The following CAMTA1 variants were observed in gnomAD, a reference collection of about 807,000 sequenced individuals.
CAMTA1 encodes calmodulin-binding transcription activator 1.
A neutral mutation model predicts 170.9 loss-of-function variants in CAMTA1; 27 were observed. The observed-to-expected ratio is 0.16, with a 90% CI of 0.12 to 0.22. The LOEUF (loss-of-function observed/expected upper bound fraction) is 0.22, where lower values mean the gene tolerates loss of function less well. Among genes scored for constraint, CAMTA1 ranks in the 10% least tolerant of loss-of-function variants. The pLI is 1.00. For missense variants in CAMTA1, 1,619 were observed against 2,217.2 expected (o/e 0.73, Z 5.42); for synonymous variants, 833 against 891.5 (o/e 0.93, Z 1.17).
intron 5 of CAMTA1, among the ~76,000 whole-genome samples, chr1:7,462,765 G>A (rs946161699): frequency 6.6e-6 from 1 of 152,148 alleles, no homozygotes; most frequent in Non-Finnish European, 1.5e-5. Flanking sequence ...TAACCCCCGA[G>A]GCCACCCGGC....
chr1:7,641,630 G>A lies in CAMTA1; in HGVS notation c.664+1077G>A, dbSNP rs2095761681. 6.6e-6 allele frequency among the ~76,000 whole-genome samples: 1 copy of A among 152,116 alleles called. No individual in the cohort carries two copies. The highest frequency in any genetic ancestry group is 2.1e-4 in the South Asian group (1 of 4,832). ...AAGGTTGGGGATGAGGGTCAGGAGG[G>A]ACAGAGGGGTCTGTGTGGCAAGGGA... On this transcript the variant is annotated intron_variant, in intron 7 of 22. Coordinates refer to ENST00000303635, the MANE Select transcript of CAMTA1 (RefSeq NM_015215.4). The surrounding 1 kb of genome is among the most constrained non-coding windows in gnomAD (Gnocchi z 4.5).
intron 4 of CAMTA1, among the ~76,000 whole-genome samples, chr1:7,188,898 A>T (rs1038782424): frequency 6.6e-6 from 1 of 152,248 alleles, no homozygotes; most frequent in Non-Finnish European, 1.5e-5. Context: ...CATTTTCCAT[A>T]GCAGCAGCAC....
chr1:6,809,065 C>T (rs529934609), intron 1 of CAMTA1, among the ~76,000 whole-genome samples: 185 of 147,842 alleles, frequency 1.3e-3, no homozygotes, highest in African/African-American at 4.5e-3. Flanking sequence ...TCACTCTTGT[C>T]GCCCAGGCTG....
intron 3 of CAMTA1, among the ~76,000 whole-genome samples, chr1:6,894,732 A>G (rs1025760914): frequency 4.6e-5 from 7 of 152,372 alleles, no homozygotes; most frequent in African/African-American, 1.7e-4. Context: ...TGAAAACATC[A>G]CTGGACTAGC....
At chr1:7,178,939 G>C (rs553488163) in intron 4 of CAMTA1, among the ~76,000 whole-genome samples, 2 of 152,348 alleles carry the variant, frequency 1.3e-5, no homozygotes, top group East Asian at 3.9e-4. Context: ...GGCAGTGGCC[G>C]TGGAGGAGCT....
At chr1:7,391,130 C>T (rs12089242) in intron 5 of CAMTA1, among the ~76,000 whole-genome samples, 10,728 of 152,020 alleles carry the variant, frequency 0.071, 1,030 homozygotes, top group African/African-American at 0.22. Flanking sequence ...CCCGAGTAGC[C>T]GGGATTACAG....
chr1:7,707,684 T>G (rs1324368587), intron 11 of CAMTA1, among the ~76,000 whole-genome samples: 1 of 152,238 alleles, frequency 6.6e-6, no homozygotes, highest in African/African-American at 2.4e-5. Context: ...CCAGATGTGA[T>G]GTATTGAATT....
In CAMTA1 at chr1:7,064,053, C is replaced by T. The variant is rs540570487; in HGVS notation, c.235-27251C>T. On this transcript the variant is annotated intron_variant, in intron 3 of 22. Coordinates refer to ENST00000303635, the MANE Select transcript of CAMTA1 (RefSeq NM_015215.4). This position sits in a 1 kb window ranked among gnomAD's most constrained non-coding sequence, Gnocchi z 5.4. ...TGGCTGCCTTCTCATATGGTGGGAG[C>T]CTTTGCCTTCACCTTCTCCTCCTCC... Among the ~76,000 whole-genome samples the T allele has an allele frequency of 5.1e-4, 77 of 152,146 alleles. 2 individuals are homozygous for T. The South Asian group carries it at 9.8e-3, about 19-fold the overall frequency.
chr1:7,291,785 G>A (rs1312219556), intron 5 of CAMTA1, among the ~76,000 whole-genome samples: 1 of 152,192 alleles, frequency 6.6e-6, no homozygotes, highest in East Asian at 1.9e-4. Flanking sequence ...GGACAGTTTT[G>A]GTTGTCACCC....
chr1:7,729,301 G>C (rs577023307), intron 11 of CAMTA1, among the ~76,000 whole-genome samples: 1 of 152,056 alleles, frequency 6.6e-6, no homozygotes, highest in South Asian at 2.1e-4. Context: ...TGTGTTTTTA[G>C]TAGAGACTGG....
chr1:7,487,624 G>A (rs1217523221), intron 6 of CAMTA1, among the ~76,000 whole-genome samples: 1 of 152,188 alleles, frequency 6.6e-6, no homozygotes, highest in African/African-American at 2.4e-5. Flanking sequence ...GTGAGGCTGA[G>A]GCTGAGGATG....
chr1:7,127,452 T>C (rs975361904), intron 4 of CAMTA1, among the ~76,000 whole-genome samples: 2 of 151,976 alleles, frequency 1.3e-5, no homozygotes, highest in African/African-American at 4.8e-5. Context: ...CTTTCTTCAC[T>C]CATCGCTAAA....
At chr1:6,838,631 G>A (rs1190070438) in intron 3 of CAMTA1, among the ~76,000 whole-genome samples, 1 of 151,992 alleles carries the variant, frequency 6.6e-6, no homozygotes, top group Non-Finnish European at 1.5e-5. Context: ...GTGCCGGTGT[G>A]GGCATTTTTT....
Position 7,010,764 on chromosome 1 carries a change from G to T in CAMTA1, c.235-80540G>T, listed in dbSNP as rs1001991224. On this transcript the variant is annotated intron_variant, in intron 3 of 22. Transcript: ENST00000303635. This position sits in a 1 kb window ranked among gnomAD's most constrained non-coding sequence, Gnocchi z 4.4. ...CTTCCTTTGTGCCCGTTTCTGAGTA[G>T]TAAGATTTCTTACTAACAGTTTCTT... is the stretch of plus-strand genomic sequence containing the variant. 6.6e-6 allele frequency among the ~76,000 whole-genome samples: 1 copy of T among 152,158 alleles called. No individual in the cohort carries two copies. Among genetic ancestry groups the T allele is most frequent in the Non-Finnish European group, 1.5e-5 (1 of 68,034 alleles).
intron 5 of CAMTA1, among the ~76,000 whole-genome samples, chr1:7,374,011 A>G (rs845217): frequency 0.86 from 131,109 of 152,274 alleles, 57,078 homozygotes; most frequent in East Asian, 1. Flanking sequence ...AGCAAGAAGG[A>G]TCCTGACTGG....
chr1:6,929,553 C>T (rs540881716), intron 3 of CAMTA1, among the ~76,000 whole-genome samples: 2 of 152,282 alleles, frequency 1.3e-5, no homozygotes, highest in South Asian at 4.2e-4. Context: ...TTGGTAGAGA[C>T]GGGGTTTCAC....
chr1:7,052,956 C>G (rs1706666344), intron 3 of CAMTA1, among the ~76,000 whole-genome samples: 1 of 152,236 alleles, frequency 6.6e-6, no homozygotes, highest in Non-Finnish European at 1.5e-5. Flanking sequence ...TCGCCCAGAG[C>G]AGAGGAGACA....
At chr1:7,291,234 G>T (rs1055004018) in intron 5 of CAMTA1, among the ~76,000 whole-genome samples, 3 of 152,140 alleles carry the variant, frequency 2.0e-5, no homozygotes, top group Non-Finnish European at 4.4e-5. Flanking sequence ...AGAGACAAAG[G>T]GGGTGCTGGA....
chr1:7,071,599 A>G (rs1249089511), intron 3 of CAMTA1, among the ~76,000 whole-genome samples: 1 of 152,212 alleles, frequency 6.6e-6, no homozygotes, highest in Admixed American at 6.5e-5. Context: ...GAACCAACAG[A>G]TTAGAAAGAC....
Sources: gnomAD v4.1 joint callset for allele counts (sites outside exome capture counted in the v4.1 genomes callset) on GRCh38, gnomAD v4.1.1 for gene constraint, Gnocchi (gnomAD v3.1) non-coding constraint, MANE v1.5 for transcripts, NCBI Gene and HGNC (gene_info 2026-07-23, HGNC 2026-07-21) for gene names.